Variants in MGAT5 observed in about 807,000 individuals in gnomAD.
The protein encoded by MGAT5 is alpha-1,6-mannosylglycoprotein 6-beta-N-acetylglucosaminyltransferase A.
A neutral mutation model predicts 94.3 loss-of-function variants in MGAT5; 30 were observed. The observed-to-expected ratio is 0.32, with a 90% CI of 0.24 to 0.43. The LOEUF (loss-of-function observed/expected upper bound fraction) is 0.43, where lower values mean the gene tolerates loss of function less well. MGAT5 is among the 20% of genes least tolerant of loss of function. The pLI is 1.00. For missense variants in MGAT5, 691 were observed against 905.5 expected, an observed-to-expected ratio of 0.76 and a Z score of 3.04; for synonymous variants, 310 against 322.9, an observed-to-expected ratio of 0.96 and a Z score of 0.43.
At chr2:134,244,929 G>T (rs1174799315) in intron 1 of MGAT5, among the ~76,000 whole-genome samples, 1 of 152,184 alleles carries the variant, frequency 6.6e-6, no homozygotes, top group Non-Finnish European at 1.5e-5. Flanking sequence ...TGTCAGTTGT[G>T]CAAAGATTGA....
At chr2:134,277,839 A>G (rs948552332) in intron 2 of MGAT5, among the ~76,000 whole-genome samples, 2 of 152,248 alleles carry the variant, frequency 1.3e-5, no homozygotes, top group Non-Finnish European at 2.9e-5. Context: ...AATTTTGTAT[A>G]TAGTGTTTCA....
intron 12 of MGAT5, among the ~76,000 whole-genome samples, chr2:134,413,585 C>G (rs71417506): frequency 2.0e-5 from 3 of 152,092 alleles, no homozygotes; most frequent in Non-Finnish European, 2.9e-5. Flanking sequence ...GATGAATCAC[C>G]ATTGAGGGTA....
At chr2:134,417,369 G>A (rs950884880) in intron 12 of MGAT5, among the ~76,000 whole-genome samples, 2 of 151,740 alleles carry the variant, frequency 1.3e-5, no homozygotes, top group African/African-American at 2.4e-5. Context: ...TTTTTCCACC[G>A]AGATCCTTTT....
Position 134,328,748 on chromosome 2 carries a change from A to C in MGAT5, c.574-7469A>C, listed in dbSNP as rs148555709. ...ATGCAGATGGGGCAGCAAACAATAA[A>C]ATCAGTATATAAAAGAATTGCCTCA... On this transcript the variant is annotated intron_variant, in intron 4 of 15. Transcript: ENST00000281923. Among the ~76,000 whole-genome samples the C allele has an allele frequency of 4.7e-3, 718 of 152,130 alleles. 19 individuals carry two copies. The highest frequency in any genetic ancestry group is 0.035 in the Admixed American group (538 of 15,254).
chr2:134,427,702 G>T (rs1240071785), intron 13 of MGAT5, among the ~76,000 whole-genome samples: 1 of 152,194 alleles, frequency 6.6e-6, no homozygotes, highest in Non-Finnish European at 1.5e-5. Flanking sequence ...GACTCAGCCT[G>T]CCTTAAAAGC....
chr2:134,176,107 A>G (rs1688451663), intron 1 of MGAT5, among the ~76,000 whole-genome samples: 1 of 152,092 alleles, frequency 6.6e-6, no homozygotes, highest in Admixed American at 6.5e-5. Context: ...GGTTAAGACT[A>G]CTGTTTACAG....
intron 1 of MGAT5, among the ~76,000 whole-genome samples, chr2:134,237,849 C>T (rs1681743234): frequency 1.3e-5 from 2 of 151,070 alleles, no homozygotes; most frequent in Non-Finnish European, 1.5e-5. Context: ...CTCCTGGGTT[C>T]AAGCAATTCT....
At chr2:134,220,640 G>C (rs533984730) in intron 1 of MGAT5, among the ~76,000 whole-genome samples, 20 of 152,200 alleles carry the variant, frequency 1.3e-4, no homozygotes, top group Non-Finnish European at 2.6e-4. Flanking sequence ...TCTGTCCTTA[G>C]TGCGTATGTG....
rs1685710751 is a variant in MGAT5, at chr2:134,445,335, C to T, written c.2028-3314C>T. The stretch of plus-strand genomic sequence containing the variant: ...CTGATTTGGTAATACTCCTGCTGCA[C>T]TCAGAGCAGCCCAGTGGAGTCTTTG... On this transcript the variant is annotated intron_variant, in intron 15 of 15. Transcript: ENST00000281923. Among the ~76,000 whole-genome samples the T allele has an allele frequency of 2.0e-5, 3 of 152,224 alleles. No individual in the cohort carries two copies. In the Middle Eastern group the frequency reaches 0.01, roughly 518 times the overall value.
chr2:134,351,215 C>A (rs895289037), intron 9 of MGAT5, among the ~76,000 whole-genome samples: 1 of 152,130 alleles, frequency 6.6e-6, no homozygotes, highest in Non-Finnish European at 1.5e-5. Flanking sequence ...GGGCACAGTT[C>A]ATGGAGCAAA....
chr2:134,374,250 G>T (rs1009565657), intron 10 of MGAT5, among the ~76,000 whole-genome samples: 1 of 152,170 alleles, frequency 6.6e-6, no homozygotes, highest in African/African-American at 2.4e-5. Flanking sequence ...AGTATATGAA[G>T]TGTTAGTATG....
chr2:134,402,795 T>C (rs956514666), intron 10 of MGAT5, among the ~76,000 whole-genome samples, 193 bp from the exon 11 acceptor site: 1 of 152,224 alleles, frequency 6.6e-6, no homozygotes, highest in African/African-American at 2.4e-5. Flanking sequence ...GCTATATGAC[T>C]GTTTATGTCC....
chr2:134,386,142 A>G (rs1681958543), intron 10 of MGAT5, among the ~76,000 whole-genome samples: 1 of 152,218 alleles, frequency 6.6e-6, no homozygotes, highest in Non-Finnish European at 1.5e-5. Context: ...AAGGTGTGCG[A>G]AATTAGCTTG....
chr2:134,318,769 A>G, intron 4 of MGAT5, 30 bp downstream of exon 4: 1 of 1,488,414 alleles, frequency 6.7e-7, no homozygotes, highest in Non-Finnish European at 9.4e-7. Flanking sequence ...TCCTGGGGGT[A>G]GATGTGACTG....
At chr2:134,304,209 ATGCATGCT>A (rs1686195637) in intron 2 of MGAT5, among the ~76,000 whole-genome samples, 1 of 152,156 alleles carries the variant, frequency 6.6e-6, no homozygotes, top group Admixed American at 6.5e-5. Context: ...TGGTTTTGGT[ATGCATGCT>A]AGCTCTTTTC....
chr2:134,131,438 C>G (rs1686159397), intron 1 of MGAT5, among the ~76,000 whole-genome samples: 1 of 152,158 alleles, frequency 6.6e-6, no homozygotes, highest in Non-Finnish European at 1.5e-5. Flanking sequence ...TTTCACTCTG[C>G]TTTTCTGCCT....
At chr2:134,158,709 C>T (rs1357738378) in intron 1 of MGAT5, among the ~76,000 whole-genome samples, 2 of 152,238 alleles carry the variant, frequency 1.3e-5, no homozygotes, top group Non-Finnish European at 2.9e-5. Context: ...GCTGCCCTGT[C>T]CCACCTGTGC....
chr2:134,221,433 G>C (rs1263668115), intron 1 of MGAT5, among the ~76,000 whole-genome samples: 4 of 152,144 alleles, frequency 2.6e-5, no homozygotes, highest in Non-Finnish European at 4.4e-5. Context: ...AAGTTTTCTT[G>C]TGCCGAAGAA....
At chr2:134,301,428 T>C (rs1686012501) in intron 2 of MGAT5, among the ~76,000 whole-genome samples, 1 of 152,184 alleles carries the variant, frequency 6.6e-6, no homozygotes, top group South Asian at 2.1e-4. Context: ...CTATAGGAAT[T>C]ATAGTGATAT....
Sources: gnomAD v4.1 joint callset for allele counts (sites outside exome capture counted in the v4.1 genomes callset) on GRCh38, gnomAD v4.1.1 for gene constraint, MANE v1.5 for transcripts, NCBI Gene and HGNC (gene_info 2026-07-23, HGNC 2026-07-21) for gene names.